NAV3: variants seen among roughly 807,000 people sequenced by gnomAD.
The protein encoded by NAV3 is neuron navigator 3.
Under a neutral mutation model 244.7 loss-of-function variants are expected in NAV3, and 87 were observed. That is an observed-to-expected ratio of 0.36 (90% CI 0.30 to 0.42). The LOEUF is 0.42. Among genes scored for constraint, NAV3 ranks in the 20% least tolerant of loss-of-function variants. The probability of loss-of-function intolerance (pLI) is 1.00; values close to 1 mark genes in which losing one functional copy is unlikely to be tolerated. For missense variants in NAV3, 2,663 were observed against 2,893.3 expected (o/e 0.92, Z 1.83); for synonymous variants, 1,126 against 1,042.2 (o/e 1.08, Z -1.55).
chr12:77,577,995 A>C (rs1270439702), intron 2 of NAV3, among the ~76,000 whole-genome samples: 2 of 152,154 alleles, frequency 1.3e-5, no homozygotes, highest in South Asian at 2.1e-4. Context: ...GGGACTGACT[A>C]ATTGTCTCCA....
intron 3 of NAV3, among the ~76,000 whole-genome samples, chr12:77,959,912 CAAAAAAAAAAAA>C (rs57550714): frequency 6.2e-5 from 4 of 64,688 alleles, no homozygotes; most frequent in Non-Finnish European, 1.1e-4. Context: ...CCTGACCCGA[CAAAAAAAAAAAA>C]AAAAAAAAAA....
At chr12:77,957,720 A>G (rs1234925911) in intron 3 of NAV3, among the ~76,000 whole-genome samples, 1 of 151,812 alleles carries the variant, frequency 6.6e-6, no homozygotes, top group Non-Finnish European at 1.5e-5. Flanking sequence ...GCTGGAGTGT[A>G]GTGGGGTGAT....
At chr12:77,686,383 G>A (rs924861875) in intron 2 of NAV3, among the ~76,000 whole-genome samples, 17 of 149,896 alleles carry the variant, frequency 1.1e-4, no homozygotes, top group African/African-American at 3.7e-4. Context: ...GTGAGCCACC[G>A]TGCCCCACCG....
intron 2 of NAV3, among the ~76,000 whole-genome samples, chr12:77,766,111 A>G (rs1020421846): frequency 6.6e-6 from 1 of 152,228 alleles, no homozygotes; most frequent in African/African-American, 2.4e-5. Flanking sequence ...GGAAATGGCA[A>G]ATGAAGACTT....
chr12:77,757,980 G>A (rs1180413951), intron 2 of NAV3, among the ~76,000 whole-genome samples: 2 of 152,100 alleles, frequency 1.3e-5, no homozygotes, highest in African/African-American at 2.4e-5. Context: ...ATCTGACCCC[G>A]TGACTCTTTT....
At chr12:77,808,761 G>A (rs1872122958) in intron 2 of NAV3, among the ~76,000 whole-genome samples, 1 of 152,216 alleles carries the variant, frequency 6.6e-6, no homozygotes, top group African/African-American at 2.4e-5. Context: ...TAAGTCTGCT[G>A]AAGTTGTGCC....
At chr12:77,940,216 G>T in intron 1 of NAV3, 103 bp from the exon 2 acceptor site, 1 of 798,368 alleles carries the variant, frequency 1.3e-6, no homozygotes, top group South Asian at 1.7e-5. Flanking sequence ...ACTGGAATGT[G>T]ATCCAGAATA....
rs199693006 is a variant in NAV3 at position 78,199,369 on chromosome 12, A to G, written c.6553A>G (p.Lys2185Glu). 2.2e-5 allele frequency: 36 copies of G among 1,610,072 alleles called. No homozygotes were observed. The highest frequency in any genetic ancestry group is 3.1e-5 in the Non-Finnish European group (36 of 1,178,226). Residue 2185 changes from lysine (K) to glutamate (E), a missense_variant, in exon 37 of 40, where the codon AAA becomes GAA. By Grantham distance (56) the Lys-to-Glu change is moderately conservative (BLOSUM62 1). Transcript: ENST00000397909. ...ATGTGCAAATCATACAGAACCAGTG[A>G]AAGGCTTTTTAGGCAGATATCTTCG... ...VLCANHTEPV[K>E]GFLGRYLRRK...
At chr12:77,634,954 C>T (rs1016959039) in intron 2 of NAV3, among the ~76,000 whole-genome samples, 3 of 151,898 alleles carry the variant, frequency 2.0e-5, no homozygotes, top group Non-Finnish European at 2.9e-5. Context: ...TGTGGCTGGG[C>T]CTGGTGGCTC....
intron 2 of NAV3, among the ~76,000 whole-genome samples, chr12:77,741,148 C>CAAAAAAAAAAAAA: frequency 9.8e-4 from 67 of 68,620 alleles, no homozygotes; most frequent in South Asian, 2.0e-3. Flanking sequence ...AAAAAAAAGA[C>CAAAAAAAAAAAAA]AAAAAAAAAA....
intron 2 of NAV3, among the ~76,000 whole-genome samples, chr12:77,620,010 C>T (rs1871305022): frequency 6.6e-6 from 1 of 152,068 alleles, no homozygotes; most frequent in Admixed American, 6.5e-5. Flanking sequence ...GACCAAATTG[C>T]AAACAAACAG....
chr12:78,167,019 C>T (rs905320806), intron 23 of NAV3, among the ~76,000 whole-genome samples: 3 of 151,632 alleles, frequency 2.0e-5, no homozygotes, highest in Non-Finnish European at 4.4e-5. Context: ...TCCATGATTC[C>T]ACTATGTACC....
At chr12:77,630,454 T>G (rs1392827757) in intron 2 of NAV3, among the ~76,000 whole-genome samples, 2 of 152,222 alleles carry the variant, frequency 1.3e-5, no homozygotes, top group African/African-American at 2.4e-5. Context: ...AATCTGCTTA[T>G]CTTCTGTACT....
At chr12:78,034,344 G>T (rs903088325) in intron 9 of NAV3, among the ~76,000 whole-genome samples, 8 of 152,150 alleles carry the variant, frequency 5.3e-5, no homozygotes, top group Non-Finnish European at 1.2e-4. Flanking sequence ...TTCTCAAAGG[G>T]GGTTTTCAGA....
intron 12 of NAV3, among the ~76,000 whole-genome samples, chr12:78,109,772 A>ACTCAGC (rs1341652844): frequency 6.6e-6 from 1 of 151,906 alleles, no homozygotes; most frequent in Non-Finnish European, 1.5e-5. Flanking sequence ...AAACTCTAAA[A>ACTCAGC]CTCAGCATAG....
At chr12:78,089,041 T>C (rs990343895) in intron 12 of NAV3, among the ~76,000 whole-genome samples, 4 of 152,184 alleles carry the variant, frequency 2.6e-5, no homozygotes, top group Admixed American at 1.3e-4. Context: ...ATTCTCCACA[T>C]GTGAAATCAA....
At chr12:78,173,933 C>T (rs553020357) in intron 24 of NAV3, among the ~76,000 whole-genome samples, 8 of 151,590 alleles carry the variant, frequency 5.3e-5, no homozygotes, top group Admixed American at 4.6e-4. Context: ...ATTTATTATA[C>T]GTTTTGAAAG....
intron 1 of NAV3, among the ~76,000 whole-genome samples, chr12:77,844,536 T>C (rs1876288806): frequency 6.6e-6 from 1 of 152,210 alleles, no homozygotes; most frequent in Admixed American, 6.5e-5. Flanking sequence ...TTTTGAGTTG[T>C]GTTTATAGGG....
intron 2 of NAV3, among the ~76,000 whole-genome samples, chr12:77,657,495 C>T (rs1364215208): frequency 2.0e-5 from 3 of 152,106 alleles, no homozygotes; most frequent in African/African-American, 7.2e-5. Context: ...AGTCCAGGAC[C>T]AGATGGATTC....
Sources: gnomAD v4.1 joint callset for allele counts (sites outside exome capture counted in the v4.1 genomes callset) on GRCh38, gnomAD v4.1.1 for gene constraint, MANE v1.5 for transcripts, NCBI Gene and HGNC (gene_info 2026-07-23, HGNC 2026-07-21) for gene names.